The following FRMPD4 variants were observed in gnomAD, a reference collection of about 807,000 sequenced individuals.
FRMPD4 encodes the protein FERM and PDZ domain containing 4.
In FRMPD4, 22 loss-of-function variants were observed where a neutral mutation model predicts 94.1. The ratio of observed to expected loss-of-function variants is 0.23; its 90% CI spans 0.17 to 0.33. The LOEUF (loss-of-function observed/expected upper bound fraction) is 0.33. Among genes scored for constraint, FRMPD4 ranks in the 10% least tolerant of loss-of-function variants. FRMPD4 has a pLI of 1.00. For missense variants in FRMPD4, 1,111 were observed against 1,339.9 expected (o/e 0.83, Z 2.67); for synonymous variants, 631 against 548.6 (o/e 1.15, Z -2.10).
At chrX:12,334,423 A>G (rs1248312828) in intron 1 of FRMPD4, among the ~76,000 whole-genome samples, 1 of 111,100 alleles carries the variant, frequency 9.0e-6, no homozygotes, top group Non-Finnish European at 1.9e-5. Context: ...GTTCCCTAAT[A>G]TGGGCACTGC....
At chrX:11,851,511 A>T (rs1050331053) in intron 1 of FRMPD4, among the ~76,000 whole-genome samples, 4 of 111,743 alleles carry the variant, frequency 3.6e-5, no homozygotes, top group Non-Finnish European at 7.5e-5. Flanking sequence ...CAGTAGAAAC[A>T]GCACCTTTAC....
chrX:12,022,247 T>A (rs1459153880), intron 3 of FRMPD4, among the ~76,000 whole-genome samples: 2 of 112,209 alleles, frequency 1.8e-5, no homozygotes, highest in African/African-American at 6.5e-5. Flanking sequence ...ACTGGGAAAC[T>A]TTTTGCTAGT....
At chrX:12,299,313 G>A (rs756286564) in intron 1 of FRMPD4, among the ~76,000 whole-genome samples, 1 of 108,591 alleles carries the variant, frequency 9.2e-6, no homozygotes, top group Non-Finnish European at 1.9e-5. Flanking sequence ...AGGAGGAGGA[G>A]GAAGAGGAAG....
At chrX:12,712,709 G>T (rs965903189) in intron 14 of FRMPD4, among the ~76,000 whole-genome samples, 1 of 111,849 alleles carries the variant, frequency 8.9e-6, no homozygotes, top group East Asian at 2.8e-4. Context: ...ACTGGGTTTG[G>T]CAGTAAACAT....
At chrX:11,977,322 G>A (rs200628357) in intron 3 of FRMPD4, among the ~76,000 whole-genome samples, 4 of 112,292 alleles carry the variant, frequency 3.6e-5, no homozygotes, top group Admixed American at 9.4e-5. Context: ...GCTCTGATGC[G>A]TACTGAGAAC....
At chrX:12,028,715 T>A (rs1199661658) in intron 3 of FRMPD4, among the ~76,000 whole-genome samples, 2 of 111,888 alleles carry the variant, frequency 1.8e-5, no homozygotes, top group African/African-American at 6.5e-5. Context: ...CACAATGTCA[T>A]ATAGTTGGAA....
chrX:12,422,048 T>C (rs2056890435), intron 1 of FRMPD4, among the ~76,000 whole-genome samples: 1 of 112,515 alleles, frequency 8.9e-6, no homozygotes. Flanking sequence ...AAAACATTTT[T>C]GGTATGTAAA....
chrX:12,357,462 C>A (rs1333860628), intron 1 of FRMPD4, among the ~76,000 whole-genome samples: 1 of 111,892 alleles, frequency 8.9e-6, no homozygotes, highest in East Asian at 2.8e-4. Flanking sequence ...CCTCTGTAAT[C>A]TGAACCCAAC....
Position 12,335,577 on chromosome X carries a change from C to T in FRMPD4, c.42-163103C>T, listed in dbSNP as rs778047200. Among the ~76,000 whole-genome samples, 5 of 111,776 alleles carry T rather than the reference C, an allele frequency of 4.5e-5. No individual in the cohort carries two copies. In the South Asian group the frequency reaches 1.9e-3, roughly 43 times the overall value. On this transcript the variant is annotated intron_variant, in intron 1 of 16. Transcript: ENST00000675598. ...CCTTGGACTCTGCGTCTAGCCTACT[C>T]CCATTTTCCAGGGCCATTTCTCTCC... is the stretch of plus-strand genomic sequence containing the variant.
At chrX:11,961,347 G>A (rs1307068004) in intron 3 of FRMPD4, among the ~76,000 whole-genome samples, 4 of 112,275 alleles carry the variant, frequency 3.6e-5, no homozygotes, top group Non-Finnish European at 5.6e-5. Flanking sequence ...TTACTTGATT[G>A]TACTGCCAGA....
intron 3 of FRMPD4, among the ~76,000 whole-genome samples, chrX:11,919,192 A>T (rs1300603472): frequency 8.9e-6 from 1 of 112,296 alleles, no homozygotes; most frequent in Non-Finnish European, 1.9e-5. Flanking sequence ...GCCTGTATAT[A>T]CTGGATACCA....
intron 1 of FRMPD4, among the ~76,000 whole-genome samples, chrX:12,449,230 A>G (rs1407295557): frequency 1.8e-5 from 2 of 112,392 alleles, no homozygotes; most frequent in Non-Finnish European, 3.8e-5. Flanking sequence ...AATTATTCTT[A>G]AAACTTTTTT....
chrX:12,595,325 C>A (rs1221428401), intron 2 of FRMPD4, among the ~76,000 whole-genome samples: 2 of 111,567 alleles, frequency 1.8e-5, no homozygotes, highest in Non-Finnish European at 3.8e-5. Context: ...GAAAGTAAGT[C>A]ACACTAATAA....
At chrX:12,712,296 C>A (rs1398256321) in intron 14 of FRMPD4, among the ~76,000 whole-genome samples, 4 of 110,928 alleles carry the variant, frequency 3.6e-5, no homozygotes, top group African/African-American at 1.3e-4. Context: ...CGCCTATAAT[C>A]CCAGTGCTTT....
chrX:12,560,643 G>C (rs376101025), intron 2 of FRMPD4, among the ~76,000 whole-genome samples: 18 of 108,250 alleles, frequency 1.7e-4, no homozygotes, highest in African/African-American at 6.0e-4. Flanking sequence ...TATAAATTTG[G>C]CATGACATGT....
chrX:12,167,598 ACTT>A (rs1292190014), intron 1 of FRMPD4, among the ~76,000 whole-genome samples: 1 of 111,218 alleles, frequency 9.0e-6, no homozygotes, highest in East Asian at 2.8e-4. Context: ...GCTTTTAATG[ACTT>A]CTTATGCAAT....
intron 5 of FRMPD4, among the ~76,000 whole-genome samples, chrX:12,681,387 A>G (rs1231800806): frequency 8.9e-6 from 1 of 112,813 alleles, no homozygotes; most frequent in African/African-American, 3.2e-5. Context: ...AATTACAAAG[A>G]TACTGATGAG....
chrX:12,443,913 A>G (rs1007536681), intron 1 of FRMPD4, among the ~76,000 whole-genome samples: 4 of 111,957 alleles, frequency 3.6e-5, no homozygotes, highest in Admixed American at 1.9e-4. Context: ...TTCAACTTGC[A>G]TATCATTTGC....
chrX:12,186,258 CAAAG>C (rs200008383), intron 1 of FRMPD4, among the ~76,000 whole-genome samples: 2,086 of 111,546 alleles, frequency 0.019, 55 homozygotes, highest in African/African-American at 0.064. Context: ...ACTTATCAAA[CAAAG>C]AAACAGTGAA....
Sources: allele counts gnomAD v4.1 joint callset (sites outside exome capture counted in the v4.1 genomes callset), GRCh38; gene constraint gnomAD v4.1.1; transcripts MANE v1.5; gene names NCBI Gene and HGNC (gene_info 2026-07-23, HGNC 2026-07-21).